The following CCDC102B variants were observed in gnomAD, a reference collection of about 807,000 sequenced individuals.
CCDC102B encodes coiled-coil domain-containing protein 102B.
Under a neutral mutation model 57.4 loss-of-function variants are expected in CCDC102B, and 75 were observed. That is an observed-to-expected ratio of 1.31 (90% CI 1.08 to 1.58). The LOEUF (loss-of-function observed/expected upper bound fraction) is 1.58. CCDC102B is among the 40% of genes most tolerant of loss of function. The pLI, the probability that CCDC102B is intolerant of heterozygous loss-of-function variation, is 0.00. For missense variants in CCDC102B, 636 were observed against 582.6 expected (o/e 1.09, Z -0.94); for synonymous variants, 206 against 201.9 (o/e 1.02, Z -0.17).
chr18:68,842,950 G>T (rs927132042), intron 3 of CCDC102B, among the ~76,000 whole-genome samples: 2 of 152,160 alleles, frequency 1.3e-5, no homozygotes, highest in African/African-American at 2.4e-5. Context: ...GGGTCTTCAT[G>T]GGACCAGTTT....
intron 6 of CCDC102B, among the ~76,000 whole-genome samples, chr18:68,921,451 A>G (rs1168251466): frequency 6.6e-6 from 1 of 152,214 alleles, no homozygotes; most frequent in East Asian, 1.9e-4. Flanking sequence ...TGTGTTACTT[A>G]TATGTCAAAA....
At chr18:68,779,981 T>A (rs1453941630) in intron 2 of CCDC102B, among the ~76,000 whole-genome samples, 1 of 152,082 alleles carries the variant, frequency 6.6e-6, no homozygotes, top group Non-Finnish European at 1.5e-5. Context: ...AAAATAAAAT[T>A]AAGAAAGAAA....
chr18:68,729,556 A>C (rs1363932905), intron 2 of CCDC102B, among the ~76,000 whole-genome samples: 2 of 152,222 alleles, frequency 1.3e-5, no homozygotes, highest in East Asian at 3.8e-4. Flanking sequence ...CGTTGGAGAA[A>C]ACTGGAGAAA....
chr18:68,875,600 G>A (rs1178163502), intron 5 of CCDC102B, among the ~76,000 whole-genome samples: 1 of 152,062 alleles, frequency 6.6e-6, no homozygotes, highest in Non-Finnish European at 1.5e-5. Flanking sequence ...TGACATCAGA[G>A]TATATTTACA....
chr18:69,026,470 A>AAAG (rs1436167877), intron 7 of CCDC102B, among the ~76,000 whole-genome samples: 1 of 151,804 alleles, frequency 6.6e-6, no homozygotes, highest in African/African-American at 2.4e-5. Context: ...AAAAAAAAAA[A>AAAG]AAAAAACCCC....
At chr18:68,926,117 A>G (rs939095238) in intron 6 of CCDC102B, among the ~76,000 whole-genome samples, 1 of 151,952 alleles carries the variant, frequency 6.6e-6, no homozygotes, top group Non-Finnish European at 1.5e-5. Context: ...TGCAGTAGGA[A>G]AGTTAATGGA....
At position 68,810,674 on chromosome 18, in the gene CCDC102B, T is replaced by TGTTTG. The variant is rs1309747496; in HGVS notation, c.-16+12493_-16+12494insGTTTG. On this transcript the variant is annotated intron_variant, in intron 1 of 7. Coordinates refer to ENST00000360242, the MANE Select transcript of CCDC102B (RefSeq NM_024781.3). ...CGGTTTTGAAAAATTTTCTTTTCTT[T>TGTTTG]TCTTTGTTTTTTTTTTTTTTTTTTT... 1.6e-3 allele frequency among the ~76,000 whole-genome samples: 184 copies of TGTTTG among 115,840 alleles called. 1 individual carries two copies. The highest frequency in any genetic ancestry group is 5.5e-3 in the East Asian group (20 of 3,608). The allele number at this position is 115,840 out of a possible 152,430, so 76.0% of individuals were successfully genotyped here.
At chr18:69,050,421 G>A (rs1156492327) in intron 7 of CCDC102B, among the ~76,000 whole-genome samples, 2 of 152,122 alleles carry the variant, frequency 1.3e-5, no homozygotes, top group Non-Finnish European at 2.9e-5. Flanking sequence ...TAGATATTAA[G>A]TGCTCATTTT....
At chr18:68,751,999 C>T (rs1380378616) in intron 2 of CCDC102B, among the ~76,000 whole-genome samples, 2 of 152,170 alleles carry the variant, frequency 1.3e-5, no homozygotes. Flanking sequence ...TGGTAACTCA[C>T]GCCTATAATC....
chr18:68,735,159 C>G (rs933472362), intron 2 of CCDC102B, among the ~76,000 whole-genome samples: 2 of 152,124 alleles, frequency 1.3e-5, no homozygotes, highest in African/African-American at 2.4e-5. Flanking sequence ...TCAAGTGATT[C>G]TCCTGCCTCA....
chr18:68,975,929 G>C (rs28712497), intron 6 of CCDC102B, among the ~76,000 whole-genome samples: 3,531 of 151,448 alleles, frequency 0.023, 134 homozygotes, highest in African/African-American at 0.081. Flanking sequence ...TTACTCCTGG[G>C]GATAATTAGC....
intron 6 of CCDC102B, among the ~76,000 whole-genome samples, chr18:68,998,590 CCCCAA>C (rs759051598): frequency 0.86 from 129,846 of 151,484 alleles, 57,626 homozygotes; most frequent in Non-Finnish European, 0.97. Context: ...GTACCAAAAC[CCCCAA>C]AGTAGGGAAG....
chr18:68,823,107 C>T (rs1397942160), intron 1 of CCDC102B, among the ~76,000 whole-genome samples: 2 of 152,164 alleles, frequency 1.3e-5, no homozygotes, highest in Non-Finnish European at 2.9e-5. Context: ...TGGTTGTGGG[C>T]CAAGCCTCCA....
intron 6 of CCDC102B, among the ~76,000 whole-genome samples, chr18:68,955,541 C>T (rs575732518): frequency 2.9e-4 from 44 of 151,982 alleles, no homozygotes; most frequent in African/African-American, 9.9e-4. Flanking sequence ...CAATATGGGT[C>T]ATTTCCATGA....
At chr18:68,892,269 A>G (rs1397981190) in intron 5 of CCDC102B, among the ~76,000 whole-genome samples, 1 of 152,144 alleles carries the variant, frequency 6.6e-6, no homozygotes, top group Non-Finnish European at 1.5e-5. Context: ...TGACCCTTGT[A>G]CTTTCTAATC....
intron 4 of CCDC102B, among the ~76,000 whole-genome samples, chr18:68,855,797 A>C (rs1276570682): frequency 1.3e-5 from 2 of 149,284 alleles, no homozygotes; most frequent in Non-Finnish European, 3.0e-5. Context: ...TCAATAAAGA[A>C]CATATACATG....
intron 2 of CCDC102B, among the ~76,000 whole-genome samples, chr18:68,787,922 G>A (rs2035272628): frequency 6.6e-6 from 1 of 150,660 alleles, no homozygotes; most frequent in African/African-American, 2.4e-5. Flanking sequence ...TGTGATGTTA[G>A]GGTGTCAATT....
At chr18:68,851,051 T>C (rs953402685) in intron 4 of CCDC102B, among the ~76,000 whole-genome samples, 86 of 152,338 alleles carry the variant, frequency 5.6e-4, no homozygotes, top group East Asian at 1.9e-4. Context: ...TTCATGAGGA[T>C]ATAGATCATG....
chr18:69,025,963 C>T (rs897736038), intron 7 of CCDC102B, among the ~76,000 whole-genome samples: 1 of 152,060 alleles, frequency 6.6e-6, no homozygotes, highest in Admixed American at 6.6e-5. Flanking sequence ...CAAGGGGTGC[C>T]TATGTGAGTG....
Sources: gnomAD v4.1 joint callset for allele counts (sites outside exome capture counted in the v4.1 genomes callset) on GRCh38, gnomAD v4.1.1 for gene constraint, MANE v1.5 for transcripts, NCBI Gene and HGNC (gene_info 2026-07-23, HGNC 2026-07-21) for gene names.